The following TLE4 variants were observed in gnomAD, a reference collection of about 807,000 sequenced individuals.
TLE4 encodes the protein transducin-like enhancer protein 4.
A neutral mutation model predicts 92.8 loss-of-function variants in TLE4; 8 were observed. The ratio of observed to expected loss-of-function variants is 0.09; its 90% CI spans 0.05 to 0.16. The LOEUF is 0.16. TLE4 is among the 10% of genes least tolerant of loss of function. The pLI is 1.00. For synonymous variants in TLE4, 371 were observed against 374.1 expected, an observed-to-expected ratio of 0.99 and a Z score of 0.10; for missense variants, 675 against 997.6, an observed-to-expected ratio of 0.68 and a Z score of 4.36.
chr9:79,584,312 C>T (rs1481862461), intron 4 of TLE4, among the ~76,000 whole-genome samples: 1 of 152,158 alleles, frequency 6.6e-6, no homozygotes, highest in Non-Finnish European at 1.5e-5. Context: ...AGGACAGCTC[C>T]TCCCTCCCCT....
At position 79,720,031 on chromosome 9, in the gene TLE4, T is replaced by A; in HGVS notation, c.1591-15T>A. Reference sequence around the variant, plus strand: ...TTCCTCATGAGTAATCTCTTGATGGTTTTTGTCTCTACAGAACAGGGATAA... The same window carrying A: ...TTCCTCATGAGTAATCTCTTGATGGATTTTGTCTCTACAGAACAGGGATAA... On this transcript the variant is annotated splice_polypyrimidine_tract_variant and intron_variant, in intron 15 of 19. Coordinates refer to ENST00000376552, the MANE Select transcript of TLE4 (RefSeq NM_007005.6). The A allele has an allele frequency of 6.3e-7, 1 of 1,588,300 alleles. No homozygotes were observed. The highest frequency in any genetic ancestry group is 8.6e-7 in the Non-Finnish European group (1 of 1,160,568).
chr9:79,712,303 G>A (rs1377005627), intron 14 of TLE4, among the ~76,000 whole-genome samples: 1 of 152,148 alleles, frequency 6.6e-6, no homozygotes, highest in African/African-American at 2.4e-5. Flanking sequence ...AGAGCATGAA[G>A]ACGTATAAAG....
At chr9:79,643,649 T>C (rs1437059037) in intron 6 of TLE4, among the ~76,000 whole-genome samples, 1 of 152,142 alleles carries the variant, frequency 6.6e-6, no homozygotes, top group Non-Finnish European at 1.5e-5. Flanking sequence ...TAGATTTCGG[T>C]TAAGTGTTTT....
At chr9:79,712,737 A>G (rs1193919561) in intron 14 of TLE4, among the ~76,000 whole-genome samples, 1 of 152,246 alleles carries the variant, frequency 6.6e-6, no homozygotes, top group East Asian at 1.9e-4. Flanking sequence ...AGTTGGAATA[A>G]CAGCATAGTT....
At chr9:79,592,092 T>TTTCTTC (rs557969723) in intron 4 of TLE4, among the ~76,000 whole-genome samples, 2,799 of 151,128 alleles carry the variant, frequency 0.019, 30 homozygotes, top group African/African-American at 0.027. Context: ...TGGAAGAGAG[T>TTTCTTC]TTCTTCTTCT....
intron 4 of TLE4, among the ~76,000 whole-genome samples, chr9:79,606,952 AC>A (rs1331813031): frequency 6.6e-6 from 1 of 152,126 alleles, no homozygotes; most frequent in African/African-American, 2.4e-5. Flanking sequence ...GACTCGCCAC[AC>A]TGTCCTCCAC....
Position 79,573,731 on chromosome 9 carries a change from G to A in TLE4, c.88G>A (p.Glu30Lys), listed in dbSNP as rs2036708116. The change falls in exon 2 of 20, where the codon GAA (glutamate) becomes AAA (lysine). Residue 30 changes from glutamate (E) to lysine (K), a missense_variant. By Grantham distance (56) the Glu-to-Lys change is moderately conservative (BLOSUM62 1). Coordinates refer to ENST00000376552, the MANE Select transcript of TLE4 (RefSeq NM_007005.6). Reference sequence around the variant, plus strand: ...TCAACCCTTTAAATTTACAATTTCCGAATCCTGTGATCGGATTAAGGAAGA... The same window carrying A: ...TCAACCCTTTAAATTTACAATTTCCAAATCCTGTGATCGGATTAAGGAAGA... ...PAQPFKFTIS[E>K]SCDRIKEEFQ... 1 of 1,606,856 alleles carries A rather than the reference G, an allele frequency of 6.2e-7. No homozygotes were observed. Among genetic ancestry groups the A allele is most frequent in the Non-Finnish European group, 8.5e-7 (1 of 1,174,842 alleles).
chr9:79,602,404 TC>T (rs1256916519), intron 4 of TLE4, among the ~76,000 whole-genome samples: 5 of 152,208 alleles, frequency 3.3e-5, no homozygotes, highest in Admixed American at 3.3e-4. Flanking sequence ...ACAGACAGAC[TC>T]CCTTGTTATG....
intron 7 of TLE4, 190 bp downstream of exon 7, chr9:79,652,984 A>C (rs2059258282): frequency 1.3e-6 from 1 of 744,022 alleles, no homozygotes; most frequent in Non-Finnish European, 2.4e-6. Flanking sequence ...GGCAAGAGCT[A>C]ACATACTCCC....
intron 14 of TLE4, among the ~76,000 whole-genome samples, chr9:79,715,237 C>T (rs569720186): frequency 5.9e-5 from 9 of 152,174 alleles, no homozygotes; most frequent in Non-Finnish European, 1.3e-4. Flanking sequence ...AATGAGATGG[C>T]TTTTCTAATA....
At chr9:79,628,601 A>C (rs1176779405) in intron 6 of TLE4, among the ~76,000 whole-genome samples, 1 of 151,616 alleles carries the variant, frequency 6.6e-6, no homozygotes, top group Non-Finnish European at 1.5e-5. Context: ...CCAAAAAAAC[A>C]AAAAAAACCT....
intron 6 of TLE4, among the ~76,000 whole-genome samples, chr9:79,632,533 G>A (rs779399579): frequency 2.6e-5 from 4 of 152,172 alleles, no homozygotes; most frequent in Non-Finnish European, 5.9e-5. Flanking sequence ...GCTTTACAGT[G>A]TAGGTAGGTA....
intron 6 of TLE4, among the ~76,000 whole-genome samples, chr9:79,647,968 G>A (rs2058355070): frequency 6.6e-6 from 1 of 151,764 alleles, no homozygotes; most frequent in Non-Finnish European, 1.5e-5. Flanking sequence ...AGAGACAGAT[G>A]AGAGAGTACT....
intron 4 of TLE4, among the ~76,000 whole-genome samples, chr9:79,594,532 T>G (rs1298739258): frequency 1.3e-5 from 2 of 152,110 alleles, no homozygotes; most frequent in African/African-American, 4.8e-5. Flanking sequence ...TTTGGGAGAT[T>G]CATGCATCTT....
At chr9:79,660,577 G>A (rs868218230) in intron 8 of TLE4, among the ~76,000 whole-genome samples, 5 of 152,060 alleles carry the variant, frequency 3.3e-5, no homozygotes, top group Non-Finnish European at 1.5e-5. Context: ...AAGACTTTTA[G>A]GTATTTATTT....
intron 8 of TLE4, among the ~76,000 whole-genome samples, chr9:79,663,886 A>G (rs1004117822): frequency 6.6e-6 from 1 of 152,218 alleles, no homozygotes; most frequent in Non-Finnish European, 1.5e-5. Flanking sequence ...ACAAGGCTTC[A>G]GAAAAGCCAC....
chr9:79,716,063 A>G (rs888993863), intron 14 of TLE4, among the ~76,000 whole-genome samples: 4 of 152,166 alleles, frequency 2.6e-5, no homozygotes, highest in African/African-American at 9.7e-5. Context: ...TCACCCAGCA[A>G]TCAGAAGATC....
At chr9:79,629,193 G>A (rs1169719317) in intron 6 of TLE4, among the ~76,000 whole-genome samples, 1 of 152,088 alleles carries the variant, frequency 6.6e-6, no homozygotes, top group African/African-American at 2.4e-5. Flanking sequence ...TAGGAAAACA[G>A]AATGGATTAT....
chr9:79,700,620 A>G (rs1451429934), intron 8 of TLE4, among the ~76,000 whole-genome samples: 3 of 152,164 alleles, frequency 2.0e-5, no homozygotes, highest in African/African-American at 4.8e-5. Context: ...TTTCCATGTA[A>G]TAAGTCTTTT....
Sources: gnomAD v4.1 joint callset for allele counts (sites outside exome capture counted in the v4.1 genomes callset) on GRCh38, gnomAD v4.1.1 for gene constraint, MANE v1.5 for transcripts, NCBI Gene and HGNC (gene_info 2026-07-23, HGNC 2026-07-21) for gene names.